The following ENTPD1 variants were observed in gnomAD, a reference collection of about 807,000 sequenced individuals.
ENTPD1 encodes the protein ATP diphosphohydrolase.
ENTPD1 carries 33 observed loss-of-function variants against 57.0 expected under a neutral mutation model. That is an observed-to-expected ratio of 0.58 (90% CI 0.44 to 0.77). The LOEUF (loss-of-function observed/expected upper bound fraction) is 0.77. Ranked by LOEUF, ENTPD1 falls within the 30% of genes least tolerant of loss-of-function variation. The pLI, the probability that ENTPD1 is intolerant of heterozygous loss-of-function variation, is 0.00. For missense variants in ENTPD1, 501 were observed against 603.4 expected, an observed-to-expected ratio of 0.83 and a Z score of 1.78; for synonymous variants, 202 against 218.8, an observed-to-expected ratio of 0.92 and a Z score of 0.68.
In ENTPD1 at chr10:95,805,780, G is replaced by T. The variant is rs550147623; in HGVS notation, c.17-17457G>T. On this transcript the variant is annotated intron_variant, in intron 1 of 9. Coordinates refer to ENST00000371205, the MANE Select transcript of ENTPD1 (RefSeq NM_001776.6). ...AGTTTGGCTGGATAGGAAATTCTAG[G>T]TCGAAAATTCTTTTCTTTAAGAATG... Among the ~76,000 whole-genome samples, 4 of 152,266 alleles carry T rather than the reference G, an allele frequency of 2.6e-5. No homozygotes were observed. In the East Asian group the frequency reaches 7.7e-4, roughly 29 times the overall value.
intron 1 of ENTPD1, among the ~76,000 whole-genome samples, chr10:95,804,626 C>T (rs2098264613): frequency 1.3e-5 from 2 of 152,214 alleles, no homozygotes; most frequent in South Asian, 4.1e-4. Context: ...ATCATGTCAT[C>T]TGCAAACAGG....
At position 95,870,244 on chromosome 10, in the gene ENTPD1, G is replaced by A. The variant is rs1257873804; in HGVS notation, c.*3861G>A. 4 of 985,230 alleles carry A rather than the reference G, an allele frequency of 4.1e-6. No individual in the cohort carries two copies. The highest frequency in any genetic ancestry group is 3.6e-6 in the Non-Finnish European group (3 of 829,890). The allele number at this position is 985,230 out of a possible 1,614,324, so 61.0% of individuals were successfully genotyped here. Reference sequence around the variant, plus strand: ...CTGGATTTAAAGATTAATTCTTGATGCTTACATTCCATACTCAAAATGTAA... The same window carrying A: ...CTGGATTTAAAGATTAATTCTTGATACTTACATTCCATACTCAAAATGTAA... On this transcript the variant is annotated 3_prime_UTR_variant, in exon 10 of 10. Transcript: ENST00000371205.
chr10:95,815,336 C>A (rs974268398), intron 1 of ENTPD1, among the ~76,000 whole-genome samples: 1 of 152,212 alleles, frequency 6.6e-6, no homozygotes, highest in Non-Finnish European at 1.5e-5. Flanking sequence ...ATGACTTGGG[C>A]AAGTCCCTTA....
intron 1 of ENTPD1, among the ~76,000 whole-genome samples, chr10:95,713,687 GTGACTCTTGACT>G (rs1294585779): frequency 6.6e-6 from 1 of 152,170 alleles, no homozygotes; most frequent in African/African-American, 2.4e-5. Flanking sequence ...TAATATTTGT[GTGACTCTTGACT>G]TTTGGGGTAC....
At chr10:95,849,673 CCCT>C (rs2098441530) in intron 7 of ENTPD1, among the ~76,000 whole-genome samples, 1 of 152,264 alleles carries the variant, frequency 6.6e-6, no homozygotes. Flanking sequence ...GTCTACCCTC[CCCT>C]CAAGGTTCCT....
chr10:95,847,621 T>G lies in ENTPD1; in HGVS notation c.989T>G (p.Leu330Arg), dbSNP rs1421637565. 2 of 1,614,232 alleles carry G rather than the reference T, an allele frequency of 1.2e-6. No individual in the cohort carries two copies. The highest frequency in any genetic ancestry group is 1.7e-6 in the Non-Finnish European group (2 of 1,180,032). ...GNYQQCHQSILELFNTSYCPY... is the reference protein window; with the variant it reads ...GNYQQCHQSIRELFNTSYCPY... ...TATCAACAATGCCATCAAAGCATCC[T>G]GGAGCTCTTCAACACCAGTTACTGC... is the stretch of plus-strand genomic sequence containing the variant. The change falls in exon 7 of 10, where the codon CTG (leucine) becomes CGG (arginine). Residue 330 changes from leucine (L) to arginine (R), a missense_variant. Transcript: ENST00000371205.
At chr10:95,866,069 A>G in intron 9 of ENTPD1, 108 bp from the exon 10 acceptor site, 1 of 1,459,988 alleles carries the variant, frequency 6.8e-7, no homozygotes, top group Non-Finnish European at 9.4e-7. Context: ...CCAGCCAGTG[A>G]TTTATATTGT....
intron 2 of ENTPD1, among the ~76,000 whole-genome samples, chr10:95,837,815 C>T (rs1363323751): frequency 6.6e-6 from 1 of 152,104 alleles, no homozygotes; most frequent in Admixed American, 6.6e-5. Context: ...GATATATATA[C>T]CCATTGCCAC....
rs185832333 is a variant in ENTPD1 at position 95,720,100 on chromosome 10, T to G, written c.37+8107T>G. Among the ~76,000 whole-genome samples the G allele has an allele frequency of 1.1e-3, 167 of 152,266 alleles. 1 individual carries two copies. The highest frequency in any genetic ancestry group is 3.0e-3 in the Admixed American group (46 of 15,288). On this transcript the variant is annotated intron_variant, in intron 1 of 9. Coordinates refer to the ENTPD1 transcript ENST00000453258. ...AGTATTGCAGGGGCTATTGCATGGT[T>G]TTACTAGGCCTTGGGCTTTTAGTTT...
intron 1 of ENTPD1, among the ~76,000 whole-genome samples, chr10:95,731,930 C>T (rs963328777): frequency 6.6e-6 from 1 of 151,520 alleles, no homozygotes; most frequent in Non-Finnish European, 1.5e-5. Context: ...TTACAGGCAC[C>T]TGCTACCACG....
chr10:95,864,250 A>G (rs3176882), intron 8 of ENTPD1, among the ~76,000 whole-genome samples: 5 of 152,170 alleles, frequency 3.3e-5, no homozygotes, highest in African/African-American at 1.2e-4. Flanking sequence ...ATTGGGATGC[A>G]GATTCTGAAT....
rs747799123 is a variant in ENTPD1 at position 95,845,344 on chromosome 10, T to C, written c.574-13T>C. ...CAGAGACTTCTAGCACTGGTAACTG[T>C]ACTGTCTTTCAGAAAACAAGGTGGT... is the stretch of plus-strand genomic sequence containing the variant. On this transcript the variant is annotated splice_polypyrimidine_tract_variant and intron_variant, in intron 5 of 9. Coordinates refer to ENST00000371205, the MANE Select transcript of ENTPD1 (RefSeq NM_001776.6). 2.7e-5 allele frequency: 43 copies of C among 1,614,172 alleles called. No homozygotes were observed. Among genetic ancestry groups the C allele is most frequent in the Non-Finnish European group, 3.6e-5 (43 of 1,180,026 alleles).
chr10:95,716,763 T>A (rs892000732), intron 1 of ENTPD1, among the ~76,000 whole-genome samples: 2 of 152,206 alleles, frequency 1.3e-5, no homozygotes, highest in East Asian at 3.8e-4. Flanking sequence ...TAAATAAACT[T>A]CTTTTTAAAA....
At chr10:95,705,025 TAAAAG>T in the ENTPD1 span, among the ~76,000 whole-genome samples, 2 of 151,966 alleles carry the variant, frequency 1.3e-5, no homozygotes, top group African/African-American at 4.8e-5. Flanking sequence ...GTAATAAACA[TAAAAG>T]AGAAACTCAA....
upstream of ENTPD1, among the ~76,000 whole-genome samples, chr10:95,710,661 A>C (rs936424678): frequency 1.3e-5 from 2 of 152,132 alleles, no homozygotes; most frequent in Non-Finnish European, 2.9e-5. Context: ...ATTTAGTATT[A>C]ATAACAAGGG....
At chr10:95,790,868 G>A (rs753706321) in intron 1 of ENTPD1, among the ~76,000 whole-genome samples, 5 of 152,188 alleles carry the variant, frequency 3.3e-5, no homozygotes, top group African/African-American at 4.8e-5. Flanking sequence ...TTGAAGAAAG[G>A]TGGTAGGGAA....
chr10:95,855,821 G>A (rs536614044), intron 7 of ENTPD1, among the ~76,000 whole-genome samples: 11 of 152,214 alleles, frequency 7.2e-5, no homozygotes, highest in South Asian at 6.2e-4. Context: ...TAGTCTGATG[G>A]GCTTCCCTTT....
chr10:95,807,108 G>T (rs79175669), intron 1 of ENTPD1, among the ~76,000 whole-genome samples: 2,186 of 152,332 alleles, frequency 0.014, 49 homozygotes, highest in African/African-American at 0.05. Flanking sequence ...GCTAAGTCCT[G>T]CCCACAGAGA....
chr10:95,802,193 G>A (rs1427803611), intron 1 of ENTPD1, among the ~76,000 whole-genome samples: 2 of 152,132 alleles, frequency 1.3e-5, no homozygotes, highest in African/African-American at 2.4e-5. Context: ...CCAAGTGAGG[G>A]CTACCAGGCT....
Sources: gnomAD v4.1 joint callset for allele counts (sites outside exome capture counted in the v4.1 genomes callset) on GRCh38, gnomAD v4.1.1 for gene constraint, MANE v1.5 for transcripts, NCBI Gene and HGNC (gene_info 2026-07-23, HGNC 2026-07-21) for gene names.